LYPLA1: variants seen among roughly 807,000 people sequenced by gnomAD.
LYPLA1 encodes acyl-protein thioesterase 1.
LYPLA1 carries 17 observed loss-of-function variants against 34.0 expected under a neutral mutation model. The observed-to-expected ratio is 0.50, with a 90% CI of 0.34 to 0.75. The LOEUF is 0.75. LYPLA1 is among the 30% of genes least tolerant of loss of function. LYPLA1 has a pLI of 0.01. For missense variants in LYPLA1, 203 were observed against 288.8 expected (o/e 0.70, Z 2.15); for synonymous variants, 98 against 100.8 (o/e 0.97, Z 0.17).
At chr8:54,098,744 T>C (rs978853885) in intron 2 of LYPLA1, among the ~76,000 whole-genome samples, 2 of 152,244 alleles carry the variant, frequency 1.3e-5, no homozygotes, top group African/African-American at 4.8e-5. Context: ...AAAGTATTTC[T>C]GGAATTTTTC....
At chr8:54,075,970 C>T (rs765662482) in intron 2 of LYPLA1, among the ~76,000 whole-genome samples, 2 of 152,190 alleles carry the variant, frequency 1.3e-5, no homozygotes, top group Non-Finnish European at 2.9e-5. Flanking sequence ...ACCTCTCAGT[C>T]TGTGTGCCAC....
At chr8:54,077,199 G>A (rs1413125148) in intron 2 of LYPLA1, among the ~76,000 whole-genome samples, 1 of 151,982 alleles carries the variant, frequency 6.6e-6, no homozygotes, top group Non-Finnish European at 1.5e-5. Context: ...CAGCAACATG[G>A]ATGGAACTGG....
At chr8:54,077,907 T>C (rs957724885) in intron 2 of LYPLA1, among the ~76,000 whole-genome samples, 46 of 152,268 alleles carry the variant, frequency 3.0e-4, no homozygotes, top group African/African-American at 1.1e-3. Context: ...CTTCATCATG[T>C]TGATGGTTTC....
At chr8:54,088,116 GA>G (rs1452703863) in intron 2 of LYPLA1, among the ~76,000 whole-genome samples, 10 of 152,350 alleles carry the variant, frequency 6.6e-5, no homozygotes, top group African/African-American at 2.2e-4. Context: ...AACAGGCTAT[GA>G]CCTAATGCTT....
At chr8:54,070,361 TTC>T (rs1435001254) in intron 2 of LYPLA1, among the ~76,000 whole-genome samples, 1 of 152,090 alleles carries the variant, frequency 6.6e-6, no homozygotes, top group Admixed American at 6.6e-5. Flanking sequence ...TACACAAATG[TTC>T]TTTTTTAGCA....
At chr8:54,085,782 C>T (rs1321823141) in intron 2 of LYPLA1, among the ~76,000 whole-genome samples, 1 of 141,338 alleles carries the variant, frequency 7.1e-6, no homozygotes, top group Non-Finnish European at 1.6e-5. Context: ...AGCCCCCACC[C>T]CGGCCAGCCG....
At chr8:54,082,288 A>G (rs1380373781) in intron 2 of LYPLA1, among the ~76,000 whole-genome samples, 4 of 152,230 alleles carry the variant, frequency 2.6e-5, no homozygotes, top group African/African-American at 9.6e-5. Context: ...TTTTCCCCAC[A>G]ACGCACACGC....
At chr8:54,045,257 G>T (rs776568059), downstream of LYPLA1, among the ~76,000 whole-genome samples, 1 of 152,040 alleles carries the variant, frequency 6.6e-6, no homozygotes, top group African/African-American at 2.4e-5. Flanking sequence ...AAAATAAAAT[G>T]GTACTTGTTA....
At chr8:54,098,792 T>C (rs1251668564) in intron 2 of LYPLA1, among the ~76,000 whole-genome samples, 1 of 152,240 alleles carries the variant, frequency 6.6e-6, no homozygotes, top group East Asian at 1.9e-4. Context: ...CACGGGTAAC[T>C]GAAACCATGG....
chr8:54,085,088 T>C (rs1051174403), intron 2 of LYPLA1, among the ~76,000 whole-genome samples: 19 of 152,176 alleles, frequency 1.2e-4, no homozygotes, highest in Non-Finnish European at 2.8e-4. Context: ...CTCGGCTCAC[T>C]GCAACCTCCC....
chr8:54,062,226 T>C (rs1403514180), intron 5 of LYPLA1, 28 bp downstream of exon 5: 21 of 1,449,820 alleles, frequency 1.4e-5, no homozygotes, highest in South Asian at 8.4e-5. Context: ...AGAACACTTT[T>C]GGCTTTATAA....
At chr8:54,066,623 A>C (rs1807087362) in intron 2 of LYPLA1, among the ~76,000 whole-genome samples, 1 of 151,836 alleles carries the variant, frequency 6.6e-6, no homozygotes, top group Non-Finnish European at 1.5e-5. Context: ...TCTACTAAAA[A>C]TACAAAAATT....
chr8:54,073,295 G>GC (rs1807633353), intron 2 of LYPLA1: 1 of 893,214 alleles, frequency 1.1e-6, no homozygotes, highest in Non-Finnish European at 1.9e-6. Flanking sequence ...TTCTGTGCCT[G>GC]CCCCCTCTCC....
intron 5 of LYPLA1, among the ~76,000 whole-genome samples, chr8:54,061,522 T>C (rs1422932642): frequency 1.3e-5 from 2 of 152,202 alleles, no homozygotes; most frequent in African/African-American, 4.8e-5. Context: ...TATACTCAAG[T>C]GAGTCCATGC....
At chr8:54,098,416 T>C (rs1024644066) in intron 2 of LYPLA1, among the ~76,000 whole-genome samples, 1 of 152,170 alleles carries the variant, frequency 6.6e-6, no homozygotes, top group Non-Finnish European at 1.5e-5. Context: ...TGGTGGCTCA[T>C]GCCTGTAATC....
intron 2 of LYPLA1, among the ~76,000 whole-genome samples, chr8:54,081,984 C>A (rs1808359109): frequency 6.6e-6 from 1 of 152,172 alleles, no homozygotes. Context: ...CCCGCCTCCA[C>A]CTCCCAAAGT....
intron 7 of LYPLA1, 119 bp from the exon 8 acceptor site, chr8:54,051,307 C>CA: frequency 2.3e-6 from 2 of 869,224 alleles, no homozygotes; most frequent in Non-Finnish European, 3.4e-6. Flanking sequence ...TACATTTGGC[C>CA]AAAAAAATAA....
At chr8:54,053,661 G>A (rs1375746221) in intron 6 of LYPLA1, 1 of 456,094 alleles carries the variant, frequency 2.2e-6, no homozygotes, top group East Asian at 6.9e-5. Context: ...CTCTCTGTGT[G>A]GCTACACCTG....
At position 54,052,656 on chromosome 8, in the gene LYPLA1, T is replaced by C. The variant is rs1279757103; in HGVS notation, c.461A>G (p.Gln154Arg). 1 of 1,609,994 alleles carries C rather than the reference T, an allele frequency of 6.2e-7. No homozygotes were observed. Among genetic ancestry groups the C allele is most frequent in the Non-Finnish European group, 8.5e-7 (1 of 1,176,950 alleles). ...CWLPLRASFP[Q>R]GPIGGANRDI... ...TGTTGAGTGCATCAACCAAGTTACC[T>C]GTGGAAAGGAAGCCCGAAGTGGAAG... The change falls in exon 7 of 9, where the codon CAG (glutamine) becomes CGG (arginine). Residue 154 changes from glutamine (Q) to arginine (R), a missense_variant and splice_region_variant. Physicochemically the swap from Gln to Arg is conservative, Grantham distance 43. Transcript: ENST00000316963.
Sources: gnomAD v4.1 joint callset for allele counts (sites outside exome capture counted in the v4.1 genomes callset) on GRCh38, gnomAD v4.1.1 for gene constraint, MANE v1.5 for transcripts, NCBI Gene and HGNC (gene_info 2026-07-23, HGNC 2026-07-21) for gene names.